Variants in PCM1 observed in about 807,000 individuals in gnomAD.
PCM1 encodes the protein pericentriolar material 1.
PCM1 carries 157 observed loss-of-function variants against 241.9 expected under a neutral mutation model. That is an observed-to-expected ratio of 0.65 (90% CI 0.57 to 0.74). PCM1 has a LOEUF of 0.74. Among genes scored for constraint, PCM1 ranks in the 30% least tolerant of loss-of-function variants. The pLI, the probability that PCM1 is intolerant of heterozygous loss-of-function variation, is 0.00. For missense variants in PCM1, 3,478 were observed against 2,360.1 expected, an observed-to-expected ratio of 1.47 and a Z score of -9.81; for synonymous variants, 1,085 against 784.9, an observed-to-expected ratio of 1.38 and a Z score of -6.39.
intron 8 of PCM1, among the ~76,000 whole-genome samples, chr8:17,952,461 A>G (rs1384611412): frequency 2.0e-5 from 3 of 152,114 alleles, no homozygotes; most frequent in African/African-American, 7.2e-5. Context: ...TGTCTCTAAA[A>G]CTATGTAGAG....
chr8:17,950,824 G>A (rs1251313148), intron 8 of PCM1, 100 bp downstream of exon 8: 4 of 733,864 alleles, frequency 5.5e-6, no homozygotes, highest in African/African-American at 3.6e-5. Flanking sequence ...TGGCATGATT[G>A]TTGAGCAGTG....
rs78512824 is a variant in PCM1, at chr8:17,975,585, A to G, written c.3943+2898A>G. Reference sequence around the variant, plus strand: ...GTGGGGAACAAGCAGGATGAGAGGAATTGGGAACGGATATGACAGATATTT... The same window carrying G: ...GTGGGGAACAAGCAGGATGAGAGGAGTTGGGAACGGATATGACAGATATTT... On this transcript the variant is annotated intron_variant, in intron 23 of 38. Coordinates refer to ENST00000325083, the MANE Select transcript of PCM1 (RefSeq NM_006197.4). Among the ~76,000 whole-genome samples the G allele has an allele frequency of 9.8e-3, 1,489 of 152,228 alleles. 21 individuals carry two copies. Among genetic ancestry groups the G allele is most frequent in the African/African-American group, 0.033 (1,350 of 41,534 alleles).
At chr8:18,012,716 T>C (rs1319186575) in intron 34 of PCM1, among the ~76,000 whole-genome samples, 1 of 152,156 alleles carries the variant, frequency 6.6e-6, no homozygotes, top group Non-Finnish European at 1.5e-5. Context: ...CACACCATTT[T>C]CTCTTTTCTC....
chr8:17,996,987 C>T (rs1188007321), intron 29 of PCM1, among the ~76,000 whole-genome samples: 1 of 152,090 alleles, frequency 6.6e-6, no homozygotes, highest in South Asian at 2.1e-4. Flanking sequence ...CTTTCTATTA[C>T]TGGTGAATTT....
rs910693787 is a variant in PCM1 at position 17,953,159 on chromosome 8, C to G, written c.1261C>G (p.Arg421Gly). The G allele has an allele frequency of 6.3e-7, 1 of 1,574,940 alleles. No individual in the cohort carries two copies. The stretch of plus-strand genomic sequence containing the variant: ...ATTGCTTGGAGAACTTCATACACTT[C>G]GAGATCAGCATCTTAACAATTCATC... ...DKLLGELHTL[R>G]DQHLNNSSSS... The change falls in exon 9 of 39, where the codon CGA (arginine) becomes GGA (glycine). Residue 421 changes from arginine to glycine, a missense_variant. Coordinates refer to ENST00000325083, the MANE Select transcript of PCM1 (RefSeq NM_006197.4).
At chr8:18,022,271 G>A (rs1015820484) in intron 36 of PCM1, among the ~76,000 whole-genome samples, 1 of 152,140 alleles carries the variant, frequency 6.6e-6, no homozygotes, top group African/African-American at 2.4e-5. Context: ...ACAATGAAAC[G>A]ACTACATTTA....
At chr8:17,963,433 G>A in intron 17 of PCM1, 142 bp downstream of exon 17, 1 of 569,272 alleles carries the variant, frequency 1.8e-6, no homozygotes, top group Admixed American at 3.8e-5. Context: ...CCACCTTTGT[G>A]ACCCAGTTTA....
At position 17,966,502 on chromosome 8, in the gene PCM1, T is replaced by A. The variant is rs752713019; in HGVS notation, c.3221+29T>A. 5 of 1,601,186 alleles carry A rather than the reference T, an allele frequency of 3.1e-6. No individual in the cohort carries two copies. In the Admixed American group the frequency reaches 6.7e-5, roughly 21 times the overall value. On this transcript the variant is annotated intron_variant, in intron 20 of 38. Coordinates refer to ENST00000325083, the MANE Select transcript of PCM1 (RefSeq NM_006197.4). The stretch of plus-strand genomic sequence containing the variant: ...ATCTGTTTCTTAGAAGTATTGAGAC[T>A]GTATAAGAGCTAACATTGAGCAGAG...
chr8:17,994,417 C>G (rs2085853724), intron 29 of PCM1, among the ~76,000 whole-genome samples: 1 of 152,116 alleles, frequency 6.6e-6, no homozygotes, highest in Non-Finnish European at 1.5e-5. Context: ...ACCACATTTT[C>G]TTTATCTGTT....
rs1315479120 is a variant in PCM1, at chr8:17,985,982, T to C, written c.4305T>C (p.Ser1435=). The C allele has an allele frequency of 1.3e-6, 2 of 1,574,684 alleles. No homozygotes were observed. Among genetic ancestry groups the C allele is most frequent in the Non-Finnish European group, 1.7e-6 (2 of 1,150,414 alleles). The change falls in exon 26 of 39, where the codon TCT becomes TCC. Residue 1435 remains serine (S), a synonymous_variant. Coordinates refer to ENST00000325083, the MANE Select transcript of PCM1 (RefSeq NM_006197.4). ...AGGACATAGTATCCAGACATATTTC[T>C]GAGAGCCATGAAAAAGGAGAAAATG... ...ALQDIVSRHI[S]ESHEKGENVK... is the part of the protein sequence containing the mutation.
chr8:17,938,663 C>G, intron 4 of PCM1, 77 bp from the exon 5 acceptor site: 1 of 1,005,480 alleles, frequency 9.9e-7, no homozygotes, highest in South Asian at 1.5e-5. Flanking sequence ...GATGGCGAAA[C>G]TAAGAACATT....
intron 30 of PCM1, among the ~76,000 whole-genome samples, chr8:18,009,130 TAAGTA>T (rs1462868266): frequency 2.0e-5 from 3 of 151,980 alleles, no homozygotes; most frequent in African/African-American, 7.3e-5. Context: ...ATGGTTGTCT[TAAGTA>T]AAGGTGGAAG....
chr8:18,025,325 C>G (rs573078846), intron 36 of PCM1, 36 bp from the exon 37 acceptor site: 2 of 1,089,110 alleles, frequency 1.8e-6, no homozygotes, highest in Admixed American at 1.9e-5. Context: ...TGGTTTGGAT[C>G]TAGAGTATGT....
chr8:17,989,309 G>A (rs556406286), intron 26 of PCM1, among the ~76,000 whole-genome samples: 6 of 152,082 alleles, frequency 3.9e-5, no homozygotes, highest in African/African-American at 7.2e-5. Context: ...GTGAAGAAAC[G>A]TCCTGGGCCA....
At chr8:17,955,888 A>G in intron 10 of PCM1, 1 of 523,132 alleles carries the variant, frequency 1.9e-6, no homozygotes, top group Non-Finnish European at 3.4e-6. Flanking sequence ...TTTCAAATAA[A>G]GGATCAAAAA....
Position 18,028,975 on chromosome 8 carries a change from A to T in PCM1, c.*1313A>T, listed in dbSNP as rs2094386537. 5.6e-6 allele frequency: 1 copy of T among 177,988 alleles called. No individual in the cohort carries two copies. Among genetic ancestry groups the T allele is most frequent in the Non-Finnish European group, 1.2e-5 (1 of 82,868 alleles). The allele number at this position is 177,988 out of a possible 1,614,324, so 11.0% of individuals were successfully genotyped here. A position where few individuals can be genotyped will look rare whatever the true frequency, so the allele number is the denominator to read the frequency against. Reference sequence around the variant, plus strand: ...GACCATCCTGCCCAACATGGGGGAAACCCCGTCTCTACTAAAAATAAAAAA... The same window carrying T: ...GACCATCCTGCCCAACATGGGGGAATCCCCGTCTCTACTAAAAATAAAAAA... On this transcript the variant is annotated 3_prime_UTR_variant, in exon 39 of 39. Transcript: ENST00000325083.
At chr8:18,008,799 G>T (rs577988679) in intron 30 of PCM1, among the ~76,000 whole-genome samples, 1 of 152,246 alleles carries the variant, frequency 6.6e-6, no homozygotes, top group African/African-American at 2.4e-5. Flanking sequence ...AGGAGGTCTG[G>T]TCTCTTGATC....
At chr8:17,937,074 C>T in intron 3 of PCM1, 60 bp from the exon 4 acceptor site, 3 of 1,325,424 alleles carry the variant, frequency 2.3e-6, no homozygotes, top group Non-Finnish European at 3.1e-6. Flanking sequence ...TTTAATTATA[C>T]CAATCTATTT....
At chr8:17,979,468 T>A (rs1935297071) in intron 23 of PCM1, among the ~76,000 whole-genome samples, 1 of 152,292 alleles carries the variant, frequency 6.6e-6, no homozygotes, top group African/African-American at 2.4e-5. Context: ...GGAATAAGTG[T>A]GTGAATATTT....
Sources: allele counts gnomAD v4.1 joint callset (sites outside exome capture counted in the v4.1 genomes callset), GRCh38; gene constraint gnomAD v4.1.1; transcripts MANE v1.5; gene names NCBI Gene and HGNC (gene_info 2026-07-23, HGNC 2026-07-21).